The following ENOX1 variants were observed in gnomAD, a reference collection of about 807,000 sequenced individuals.
The protein encoded by ENOX1 is ecto-NOX disulfide-thiol exchanger 1.
In ENOX1, 42 loss-of-function variants were observed where a neutral mutation model predicts 82.5. The observed-to-expected ratio is 0.51, with a 90% CI of 0.40 to 0.66. ENOX1 has a LOEUF of 0.66. ENOX1 is among the 30% of genes least tolerant of loss of function. The pLI is 0.00. For missense variants in ENOX1, 608 were observed against 811.6 expected (o/e 0.75, Z 3.05); for synonymous variants, 271 against 282.2 (o/e 0.96, Z 0.40).
chr13:43,455,322 G>T (rs1389950954), intron 3 of ENOX1, among the ~76,000 whole-genome samples: 3 of 152,006 alleles, frequency 2.0e-5, no homozygotes, highest in Admixed American at 1.3e-4. Flanking sequence ...TCTTTTACAT[G>T]TGACCTGTGT....
rs141946070 is a variant in ENOX1 at position 43,285,371 on chromosome 13, A to G, written c.1446+12975T>C. ...GCAATAGTTATATCTAGGTAGTGACATTATGAATGATTTTTATTTCCTTTT... is the reference window on the plus strand; with the variant it reads ...GCAATAGTTATATCTAGGTAGTGACGTTATGAATGATTTTTATTTCCTTTT... On this transcript the variant is annotated intron_variant, in intron 12 of 16. Transcript: ENST00000690772. Among the ~76,000 whole-genome samples, 751 of 152,340 alleles carry G rather than the reference A, an allele frequency of 4.9e-3. 8 individuals are homozygous for G. Among genetic ancestry groups the G allele is most frequent in the African/African-American group, 0.016 (668 of 41,572 alleles).
At chr13:43,554,661 T>G (rs1323097622) in intron 2 of ENOX1, among the ~76,000 whole-genome samples, 2 of 152,136 alleles carry the variant, frequency 1.3e-5, no homozygotes, top group African/African-American at 4.8e-5. Flanking sequence ...ACTGCAGCCT[T>G]GACCTCCTGG....
intron 14 of ENOX1, among the ~76,000 whole-genome samples, chr13:43,251,136 A>G (rs1223446942): frequency 6.6e-6 from 1 of 152,258 alleles, no homozygotes; most frequent in Non-Finnish European, 1.5e-5. Context: ...TAAGACTCAC[A>G]GGCACAACAA....
At chr13:43,299,546 C>A (rs1240403096) in intron 11 of ENOX1, among the ~76,000 whole-genome samples, 1 of 152,132 alleles carries the variant, frequency 6.6e-6, no homozygotes, top group Non-Finnish European at 1.5e-5. Flanking sequence ...CATCCAATCC[C>A]ACAAAGTAAG....
intron 9 of ENOX1, among the ~76,000 whole-genome samples, chr13:43,330,288 C>T (rs1361178254): frequency 6.6e-6 from 1 of 152,240 alleles, no homozygotes; most frequent in African/African-American, 2.4e-5. Flanking sequence ...AGTTGTGCTG[C>T]AGGCAGAACA....
At chr13:43,695,745 G>A (rs1442763287) in intron 1 of ENOX1, among the ~76,000 whole-genome samples, 5 of 152,088 alleles carry the variant, frequency 3.3e-5, no homozygotes, top group African/African-American at 1.2e-4. Context: ...ACCGCACCCG[G>A]CCTCATTTTT....
intron 10 of ENOX1, 93 bp from the exon 11 acceptor site, chr13:43,322,594 C>T (rs979444306): frequency 9.7e-7 from 1 of 1,027,236 alleles, no homozygotes; most frequent in Non-Finnish European, 1.4e-6. Context: ...TATTAACATT[C>T]AGAATCCAAA....
At chr13:43,495,427 A>G (rs1425027260) in intron 2 of ENOX1, among the ~76,000 whole-genome samples, 1 of 152,132 alleles carries the variant, frequency 6.6e-6, no homozygotes, top group East Asian at 1.9e-4. Flanking sequence ...ACCAGATAGC[A>G]TATGTTCTTT....
At chr13:43,609,968 G>C (rs1021515144) in intron 2 of ENOX1, 2 of 913,008 alleles carry the variant, frequency 2.2e-6, no homozygotes, top group Non-Finnish European at 2.6e-6. Flanking sequence ...CATTTTTAGA[G>C]TTGTTTTATC....
At chr13:43,492,257 A>G (rs2076645068) in intron 2 of ENOX1, among the ~76,000 whole-genome samples, 1 of 152,182 alleles carries the variant, frequency 6.6e-6, no homozygotes, top group African/African-American at 2.4e-5. Flanking sequence ...GCCCCAGTTG[A>G]GCAGAGATGC....
At chr13:43,290,178 G>T (rs1329774811) in intron 12 of ENOX1, among the ~76,000 whole-genome samples, 1 of 152,126 alleles carries the variant, frequency 6.6e-6, no homozygotes, top group East Asian at 1.9e-4. Context: ...ATTTCTCAAA[G>T]AACTTAAAAC....
At chr13:43,542,035 C>A (rs899330129) in intron 2 of ENOX1, among the ~76,000 whole-genome samples, 2 of 152,198 alleles carry the variant, frequency 1.3e-5, no homozygotes, top group Admixed American at 1.3e-4. Flanking sequence ...CCTCAGCAAT[C>A]AATCTGCAGA....
intron 9 of ENOX1, among the ~76,000 whole-genome samples, chr13:43,327,763 G>A (rs1420094723): frequency 1.3e-5 from 2 of 152,260 alleles, no homozygotes; most frequent in East Asian, 3.9e-4. Flanking sequence ...ACAACACTTG[G>A]TGCCATAATT....
chr13:43,360,031 G>T lies in ENOX1; in HGVS notation c.409C>A (p.Arg137=), dbSNP rs1402795628. The part of the protein sequence containing the change: ...PNLPPPSTRE[R]PPGCKTVFVG... ...AACACGGTCTTACACCCAGGAGGTC[G>T]TTCTCTTGTGGAAGGAGGTGGAAGA... The change falls in exon 7 of 17, where the codon CGA becomes AGA. Residue 137 remains arginine (R), a synonymous_variant. Coordinates refer to ENST00000690772, the MANE Select transcript of ENOX1 (RefSeq NM_001347969.2). The T allele has an allele frequency of 1.2e-6, 2 of 1,614,058 alleles. No homozygotes were observed. The highest frequency in any genetic ancestry group is 2.7e-5 in the African/African-American group (2 of 74,944).
At chr13:43,231,861 CAT>C (rs543155586) in intron 15 of ENOX1, among the ~76,000 whole-genome samples, 150 of 152,326 alleles carry the variant, frequency 9.8e-4, no homozygotes, top group South Asian at 6.2e-3. Context: ...TTTCTCAAAA[CAT>C]AGTACCAGAT....
intron 2 of ENOX1, among the ~76,000 whole-genome samples, chr13:43,582,086 A>C (rs1049746201): frequency 6.6e-6 from 1 of 152,208 alleles, no homozygotes; most frequent in African/African-American, 2.4e-5. Flanking sequence ...TCCCCAAAAA[A>C]GAAAAGTATA....
At chr13:43,529,997 G>T (rs2078142779) in intron 2 of ENOX1, among the ~76,000 whole-genome samples, 1 of 152,088 alleles carries the variant, frequency 6.6e-6, no homozygotes. Flanking sequence ...TCTGACTCAA[G>T]ATCCTTCTGA....
intron 2 of ENOX1, among the ~76,000 whole-genome samples, chr13:43,592,294 AAC>A (rs1477059394): frequency 6.6e-6 from 1 of 152,222 alleles, no homozygotes; most frequent in African/African-American, 2.4e-5. Flanking sequence ...TGTTTACTGA[AAC>A]ACTCAGTCCT....
intron 2 of ENOX1, among the ~76,000 whole-genome samples, chr13:43,656,586 C>T (rs752651989): frequency 1.3e-5 from 2 of 152,134 alleles, no homozygotes; most frequent in Admixed American, 6.5e-5. Context: ...AGCACAGAGA[C>T]CTCTGGCTAA....
Sources: gnomAD v4.1 joint callset for allele counts (sites outside exome capture counted in the v4.1 genomes callset) on GRCh38, gnomAD v4.1.1 for gene constraint, MANE v1.5 for transcripts, NCBI Gene and HGNC (gene_info 2026-07-23, HGNC 2026-07-21) for gene names.